ACSF3: variants seen among roughly 807,000 people sequenced by gnomAD.
ACSF3 encodes acyl-CoA synthetase family member 3.
Under a neutral mutation model 53.2 loss-of-function variants are expected in ACSF3, and 78 were observed. The observed-to-expected ratio is 1.47, with a 90% CI of 1.22 to 1.77. The LOEUF (loss-of-function observed/expected upper bound fraction) is 1.77, where lower values mean the gene tolerates loss of function less well. Among genes scored for constraint, ACSF3 ranks in the 40% most tolerant of loss-of-function variants. ACSF3 has a pLI of 0.00. For missense variants in ACSF3, 937 were observed against 771.1 expected, an observed-to-expected ratio of 1.22 and a Z score of -2.55; for synonymous variants, 414 against 333.1, an observed-to-expected ratio of 1.24 and a Z score of -2.65.
At chr16:89,126,145 A>G (rs1908044588) in intron 7 of ACSF3, among the ~76,000 whole-genome samples, 1 of 152,224 alleles carries the variant, frequency 6.6e-6, no homozygotes, top group South Asian at 2.1e-4. Flanking sequence ...TTCAGCATAT[A>G]GATGCTGTAC....
intron 10 of ACSF3, chr16:89,147,524 C>CCG (rs1394723160): frequency 3.6e-4 from 1 of 2,782 alleles, no homozygotes; most frequent in Non-Finnish European, 7.0e-4. Context: ...ACAGAGTGAG[C>CCG]GGGGGGGGGG....
Position 89,124,146 on chromosome 16 carries a change from A to G in ACSF3, c.1239+3233A>G, listed in dbSNP as rs1039158060. 6.0e-5 allele frequency among the ~76,000 whole-genome samples: 9 copies of G among 151,198 alleles called. 1 individual carries two copies. Among genetic ancestry groups the G allele is most frequent in the South Asian group, 4.2e-4 (2 of 4,782 alleles). ...TGGGTATCACACACATGCAGTGTCC[A>G]CACAAGTATCACACACACATACACA... is the stretch of plus-strand genomic sequence containing the variant. On this transcript the variant is annotated intron_variant, in intron 7 of 10. Transcript: ENST00000614302.
intron 8 of ACSF3, among the ~76,000 whole-genome samples, chr16:89,137,651 C>T (rs34434622): frequency 5.4e-3 from 463 of 86,040 alleles, no homozygotes; most frequent in Middle Eastern, 0.034. Flanking sequence ...CGGGGAAGGA[C>T]TGAGGGGAAG....
chr16:89,107,303 T>C (rs1976109669), intron 4 of ACSF3, among the ~76,000 whole-genome samples: 2 of 152,040 alleles, frequency 1.3e-5, no homozygotes, highest in African/African-American at 4.8e-5. Flanking sequence ...AGACCGTCCT[T>C]CGTGTCTTTC....
At chr16:89,095,602 G>A (rs190601071) in intron 1 of ACSF3, among the ~76,000 whole-genome samples, 2 of 146,288 alleles carry the variant, frequency 1.4e-5, no homozygotes, top group Non-Finnish European at 3.0e-5. Context: ...CAAGGTCTGG[G>A]GGGGCGGGGG....
At chr16:89,149,264 C>T (rs1440901387) in intron 10 of ACSF3, 6 of 152,210 alleles carry the variant, frequency 3.9e-5, no homozygotes, top group Non-Finnish European at 7.3e-5. Context: ...CTCTCCAAAT[C>T]GTTCCAGCCT....
intron 7 of ACSF3, among the ~76,000 whole-genome samples, chr16:89,130,744 T>G (rs184356014): frequency 6.6e-6 from 1 of 152,356 alleles, no homozygotes. Context: ...TCTCTCAGCT[T>G]CTTTAGTTTA....
chr16:89,137,852 C>G (rs1910947340), intron 8 of ACSF3, among the ~76,000 whole-genome samples: 1 of 152,212 alleles, frequency 6.6e-6, no homozygotes, highest in Admixed American at 6.5e-5. Flanking sequence ...ATGGGCACCA[C>G]TGCCGGGCAC....
chr16:89,128,071 A>G (rs952691497), intron 7 of ACSF3, among the ~76,000 whole-genome samples: 2 of 151,060 alleles, frequency 1.3e-5, no homozygotes, highest in African/African-American at 4.9e-5. Context: ...TTTCAGTTTC[A>G]CTAGTTCTTG....
intron 2 of ACSF3, among the ~76,000 whole-genome samples, chr16:89,099,264 G>A (rs887222045): frequency 3.3e-5 from 5 of 152,260 alleles, no homozygotes; most frequent in Admixed American, 1.3e-4. Flanking sequence ...GCCCTCACGC[G>A]TCAGGAGCGT....
intron 1 of ACSF3, among the ~76,000 whole-genome samples, chr16:89,095,669 C>T (rs1045949185): frequency 3.9e-5 from 6 of 152,172 alleles, no homozygotes; most frequent in Non-Finnish European, 7.3e-5. Flanking sequence ...GAAAGCAGCC[C>T]TTCATTTGAA....
intron 7 of ACSF3, among the ~76,000 whole-genome samples, chr16:89,131,537 G>T (rs774862996): frequency 6.6e-6 from 1 of 152,086 alleles, no homozygotes; most frequent in South Asian, 2.1e-4. Flanking sequence ...GAGTAACTTT[G>T]TATTGTACCC....
At chr16:89,132,670 C>G (rs1416604090) in intron 7 of ACSF3, among the ~76,000 whole-genome samples, 1 of 152,264 alleles carries the variant, frequency 6.6e-6, no homozygotes. Context: ...CTCCAAGCTG[C>G]CCCAGCCCCT....
rs1057243097 is a variant in ACSF3 at position 89,133,171 on chromosome 16, G to A, written c.1275G>A (p.Leu425=). The A allele has an allele frequency of 4.3e-6, 7 of 1,613,972 alleles. No homozygotes were observed. In the African/African-American group the frequency reaches 6.7e-5, roughly 15 times the overall value. The part of the protein sequence containing the change: ...TPGFEEKEGE[L]LVRGPSVFRE... ...GGTTTGAAGAAAAGGAGGGGGAGCT[G>A]CTGGTGAGGGGACCCTCCGTGTTTC... Residue 425 remains leucine (L), a synonymous_variant, in exon 8 of 11, where the codon CTG becomes CTA. Transcript: ENST00000614302.
chr16:89,098,062 AGACTCC>A (rs1414116259), intron 1 of ACSF3, among the ~76,000 whole-genome samples: 12 of 152,000 alleles, frequency 7.9e-5, no homozygotes, highest in African/African-American at 2.7e-4. Flanking sequence ...TGACAGAGCG[AGACTCC>A]GTCTCAAAAA....
At chr16:89,107,139 G>A (rs1976080784) in intron 4 of ACSF3, among the ~76,000 whole-genome samples, 1 of 152,236 alleles carries the variant, frequency 6.6e-6, no homozygotes, top group Non-Finnish European at 1.5e-5. Flanking sequence ...TTAGTCAAAT[G>A]TTATGGCGCC....
intron 4 of ACSF3, among the ~76,000 whole-genome samples, chr16:89,107,093 C>T (rs899055725): frequency 6.6e-6 from 1 of 152,238 alleles, no homozygotes; most frequent in African/African-American, 2.4e-5. Flanking sequence ...GTTAGAGCAA[C>T]AGGCCTGCTC....
At chr16:89,148,849 G>C (rs930208793) in intron 10 of ACSF3, 1 of 152,182 alleles carries the variant, frequency 6.6e-6, no homozygotes, top group East Asian at 1.9e-4. Flanking sequence ...TATGATGAGA[G>C]GCACTTCCAT....
intron 5 of ACSF3, 71 bp from the exon 6 acceptor site, chr16:89,114,268 T>C: frequency 6.2e-7 from 1 of 1,605,048 alleles, no homozygotes. Flanking sequence ...CCTGAGGGGC[T>C]AAACCTGCCA....
Sources: allele counts gnomAD v4.1 joint callset (sites outside exome capture counted in the v4.1 genomes callset), GRCh38; gene constraint gnomAD v4.1.1; transcripts MANE v1.5; gene names NCBI Gene and HGNC (gene_info 2026-07-23, HGNC 2026-07-21).